The following COL4A2 variants were observed in gnomAD, a reference collection of about 807,000 sequenced individuals.
COL4A2 encodes collagen alpha-2(IV) chain.
In COL4A2, 99 loss-of-function variants were observed where a neutral mutation model predicts 200.2. The ratio of observed to expected loss-of-function variants is 0.49; its 90% CI spans 0.42 to 0.58. The LOEUF is 0.58. Ranked by LOEUF, COL4A2 falls within the 20% of genes least tolerant of loss-of-function variation. The pLI is 0.00. For missense variants in COL4A2, 1,950 were observed against 2,314.1 expected (o/e 0.84, Z 3.23); for synonymous variants, 897 against 900.6 (o/e 1.00, Z 0.07).
At chr13:110,436,043 A>G in intron 12 of COL4A2, 1 of 678,352 alleles carries the variant, frequency 1.5e-6, no homozygotes, top group South Asian at 1.7e-5. Flanking sequence ...AACAACCTAC[A>G]TGGCTTTTAT....
chr13:110,310,194 T>C (rs1014556902), intron 3 of COL4A2, among the ~76,000 whole-genome samples: 41 of 152,306 alleles, frequency 2.7e-4, no homozygotes, highest in African/African-American at 7.9e-4. Flanking sequence ...GACTCTTTGA[T>C]CTTTGGATGG....
At chr13:110,336,040 C>G (rs915073803) in intron 3 of COL4A2, among the ~76,000 whole-genome samples, 2 of 152,218 alleles carry the variant, frequency 1.3e-5, no homozygotes, top group Non-Finnish European at 2.9e-5. Context: ...CCTTTCCCCC[C>G]AGAGCTGACA....
chr13:110,509,270 T>TATATATATATATACACACACAC (rs1435137108), intron 47 of COL4A2, among the ~76,000 whole-genome samples: 7 of 115,578 alleles, frequency 6.1e-5, no homozygotes, highest in African/African-American at 2.4e-4. Flanking sequence ...TATATATATA[T>TATATATATATATACACACACAC]ACACACACAC....
At position 110,501,483 on chromosome 13, in the gene COL4A2, C is replaced by G. The variant is rs7993094; in HGVS notation, c.3761-185C>G. On this transcript the variant is annotated intron_variant, in intron 40 of 47. Coordinates refer to ENST00000360467, the MANE Select transcript of COL4A2 (RefSeq NM_001846.4). ...GAGGGGTTCACATAGCCCCTGCCCC[C>G]CCAACCCCGCCCTGAGGGCCTCCCC... 0.95 allele frequency among the ~76,000 whole-genome samples: 143,966 copies of G among 152,098 alleles called. 68,620 individuals carry two copies. The highest frequency in any genetic ancestry group is 1 in the East Asian group (5,143 of 5,144).
intron 4 of COL4A2, among the ~76,000 whole-genome samples, chr13:110,387,693 G>A (rs891309103): frequency 3.9e-5 from 6 of 152,206 alleles, no homozygotes; most frequent in Non-Finnish European, 8.8e-5. Flanking sequence ...ACCTCAGCCC[G>A]GAGACTCGGA....
intron 4 of COL4A2, among the ~76,000 whole-genome samples, chr13:110,406,372 C>A (rs1879569406): frequency 1.3e-5 from 2 of 152,144 alleles, no homozygotes; most frequent in Non-Finnish European, 2.9e-5. Flanking sequence ...AAATACTCAT[C>A]AGGGTTCACA....
chr13:110,482,494 A>G (rs1882969365), intron 31 of COL4A2, 22 bp from the exon 32 acceptor site: 2 of 1,611,156 alleles, frequency 1.2e-6, no homozygotes, highest in Admixed American at 3.3e-5. Context: ...CTAACCCAGC[A>G]CTTTTCTCTT....
chr13:110,335,182 C>T (rs1306988281), intron 3 of COL4A2, among the ~76,000 whole-genome samples: 3 of 152,062 alleles, frequency 2.0e-5, no homozygotes, highest in African/African-American at 7.2e-5. Context: ...GTCTGCTGAC[C>T]TCCTCCACTG....
At position 110,436,442 on chromosome 13, in the gene COL4A2, T is replaced by C. The variant is rs1035726507; in HGVS notation, c.825+75T>C. 3.3e-6 allele frequency: 5 copies of C among 1,519,774 alleles called. No homozygotes were observed. The African/African-American group carries it at 5.6e-5, about 17-fold the overall frequency. 94.1% of individuals were successfully genotyped at this position (1,519,774 alleles called of 1,614,324 possible). ...TAAAAGTACATTTCTTCAATTGTAT[T>C]CAACCACATTCCAAGTAGAAAAAGC... is the stretch of plus-strand genomic sequence containing the variant. On this transcript the variant is annotated intron_variant, in intron 13 of 47. Transcript: ENST00000360467.
intron 27 of COL4A2, among the ~76,000 whole-genome samples, chr13:110,468,736 C>T (rs1214717769): frequency 6.6e-6 from 1 of 152,172 alleles, no homozygotes; most frequent in Non-Finnish European, 1.5e-5. Flanking sequence ...GGCTGAGGAA[C>T]CTCAGCCCTT....
chr13:110,353,879 ACAATATAG>A (rs1337964092), intron 3 of COL4A2, among the ~76,000 whole-genome samples: 2 of 152,208 alleles, frequency 1.3e-5, no homozygotes, highest in Non-Finnish European at 2.9e-5. Flanking sequence ...TCCTTCCCTC[ACAATATAG>A]CACTGGAGCC....
intron 4 of COL4A2, among the ~76,000 whole-genome samples, chr13:110,397,757 G>A (rs546971320): frequency 1.3e-5 from 2 of 152,196 alleles, no homozygotes; most frequent in Non-Finnish European, 2.9e-5. Flanking sequence ...GGGTATGAGG[G>A]CAGGAGAAAG....
At chr13:110,418,793 G>T (rs1184852202) in intron 4 of COL4A2, among the ~76,000 whole-genome samples, 1 of 152,204 alleles carries the variant, frequency 6.6e-6, no homozygotes, top group African/African-American at 2.4e-5. Flanking sequence ...GCTGCTGATA[G>T]TTATCTGTGT....
Position 110,503,200 on chromosome 13 carries a change from A to C in COL4A2, c.3957A>C (p.Pro1319=), listed in dbSNP as rs1883711356. ...GTGACACAGGGAACCCAGGAGCTCC[A>C]GGAACCCCAGGGACCAAAGGATGGG... is the stretch of plus-strand genomic sequence containing the variant. ...SKGDTGNPGA[P]GTPGTKGWAG... is the part of the protein sequence containing the mutation. The change falls in exon 42 of 48, where the codon CCA becomes CCC. Residue 1319 remains proline (P), a synonymous_variant. Coordinates refer to ENST00000360467, the MANE Select transcript of COL4A2 (RefSeq NM_001846.4). 6.2e-7 allele frequency: 1 copy of C among 1,613,892 alleles called. No homozygotes were observed. The highest frequency in any genetic ancestry group is 8.5e-7 in the Non-Finnish European group (1 of 1,180,002).
intron 33 of COL4A2, 43 bp from the exon 34 acceptor site, chr13:110,485,612 C>A (rs1566561684): frequency 6.7e-7 from 1 of 1,500,246 alleles, no homozygotes; most frequent in Admixed American, 2.2e-5. Context: ...AGGGCGGGTG[C>A]TGCGTCCTCA....
intron 3 of COL4A2, among the ~76,000 whole-genome samples, chr13:110,321,225 T>TATAC (rs1178174893): frequency 2.2e-3 from 321 of 143,606 alleles, no homozygotes; most frequent in Middle Eastern, 0.01. Flanking sequence ...TATATATATA[T>TATAC]ACACACACAC....
At chr13:110,418,696 G>A (rs1383564543) in intron 4 of COL4A2, among the ~76,000 whole-genome samples, 2 of 152,156 alleles carry the variant, frequency 1.3e-5, no homozygotes, top group South Asian at 2.1e-4. Flanking sequence ...TAGTACCCAG[G>A]GGTGGGACAA....
chr13:110,449,351 G>A (rs1418066973), intron 18 of COL4A2, among the ~76,000 whole-genome samples: 1 of 152,088 alleles, frequency 6.6e-6, no homozygotes, highest in Non-Finnish European at 1.5e-5. Flanking sequence ...GTTAAAGCTG[G>A]GGCTGAGGGG....
At chr13:110,372,220 G>C (rs1214005487) in intron 4 of COL4A2, among the ~76,000 whole-genome samples, 2 of 152,194 alleles carry the variant, frequency 1.3e-5, no homozygotes, top group East Asian at 1.9e-4. Context: ...CCTTGAGAGA[G>C]GGGGCAGAGG....
Sources: allele counts gnomAD v4.1 joint callset (sites outside exome capture counted in the v4.1 genomes callset), GRCh38; gene constraint gnomAD v4.1.1; transcripts MANE v1.5; gene names NCBI Gene and HGNC (gene_info 2026-07-23, HGNC 2026-07-21).